The following NEBL variants were observed in gnomAD, a reference collection of about 807,000 sequenced individuals.
NEBL encodes the protein nebulette.
NEBL carries 122 observed loss-of-function variants against 140.2 expected under a neutral mutation model. The ratio of observed to expected loss-of-function variants is 0.87; its 90% CI spans 0.75 to 1.01. NEBL has a LOEUF of 1.01. Ranked by LOEUF, NEBL falls within the 50% of genes least tolerant of loss-of-function variation. The pLI, the probability that NEBL is intolerant of heterozygous loss-of-function variation, is 0.00. For synonymous variants in NEBL, 436 were observed against 398.9 expected (o/e 1.09, Z -1.11); for missense variants, 1,365 against 1,231.3 (o/e 1.11, Z -1.62).
At chr10:21,145,539 T>C (rs988346659) in intron 2 of NEBL, among the ~76,000 whole-genome samples, 2 of 152,234 alleles carry the variant, frequency 1.3e-5, no homozygotes, top group African/African-American at 4.8e-5. Context: ...TAAATGAATA[T>C]GTATACACCT....
chr10:20,815,004 A>G (rs567891478), intron 22 of NEBL, among the ~76,000 whole-genome samples: 1 of 152,296 alleles, frequency 6.6e-6, no homozygotes, highest in Admixed American at 6.5e-5. Flanking sequence ...GCCCATCAGA[A>G]CACCGCCATT....
At chr10:20,795,608 C>T (rs1225569223) in intron 26 of NEBL, among the ~76,000 whole-genome samples, 1 of 151,886 alleles carries the variant, frequency 6.6e-6, no homozygotes, top group East Asian at 1.9e-4. Context: ...TTTCCCATTG[C>T]CAATACCAAC....
intron 3 of NEBL, among the ~76,000 whole-genome samples, chr10:21,014,474 T>C (rs1411761656): frequency 6.6e-6 from 1 of 152,140 alleles, no homozygotes; most frequent in Admixed American, 6.5e-5. Flanking sequence ...ATTTGAAACT[T>C]TTGGACAATG....
chr10:21,173,993 G>A lies in NEBL; in HGVS notation c.-160C>T. 1.6e-6 allele frequency: 2 copies of A among 1,226,014 alleles called. No individual in the cohort carries two copies. Among genetic ancestry groups the A allele is most frequent in the Non-Finnish European group, 2.0e-6 (2 of 987,596 alleles). The allele number at this position is 1,226,014 out of a possible 1,614,324, so 75.9% of individuals were successfully genotyped here. The stretch of plus-strand genomic sequence containing the variant: ...GCGCCGGGCCACGGGTGAGTGCACG[G>A]GGAGGGCGACGGGGCCTGGCGCCTG... On this transcript the variant is annotated 5_prime_UTR_variant, in exon 1 of 7. Transcript: ENST00000417816. This position sits in a 1 kb window ranked among gnomAD's most constrained non-coding sequence, Gnocchi z 5.7.
At chr10:20,869,343 G>T (rs1844669849) in intron 6 of NEBL, among the ~76,000 whole-genome samples, 1 of 152,162 alleles carries the variant, frequency 6.6e-6, no homozygotes, top group African/African-American at 2.4e-5. Flanking sequence ...GTAAGTGTTG[G>T]TGGAAGAGAA....
intron 3 of NEBL, among the ~76,000 whole-genome samples, chr10:21,014,610 G>C (rs1164239885): frequency 6.6e-6 from 1 of 152,166 alleles, no homozygotes; most frequent in African/African-American, 2.4e-5. Flanking sequence ...CCCTGAGAAA[G>C]GTTCTGCTTT....
At chr10:21,114,814 A>G (rs1172596492) in intron 2 of NEBL, among the ~76,000 whole-genome samples, 1 of 151,588 alleles carries the variant, frequency 6.6e-6, no homozygotes, top group Admixed American at 6.6e-5. Flanking sequence ...TAGCCAGTGG[A>G]AAGTTGGGTC....
rs1007803940 is a variant in NEBL at position 20,783,179 on chromosome 10, T to G, written c.*2568A>C. 4.6e-5 allele frequency: 7 copies of G among 152,520 alleles called. No individual in the cohort carries two copies. The highest frequency in any genetic ancestry group is 1.2e-4 in the African/African-American group (5 of 41,442). 9.4% of individuals were successfully genotyped at this position (152,520 alleles called of 1,614,324 possible). A position where few individuals can be genotyped will look rare whatever the true frequency, so the allele number is the denominator to read the frequency against. On this transcript the variant is annotated 3_prime_UTR_variant, in exon 28 of 28. Coordinates refer to ENST00000377122, the MANE Select transcript of NEBL (RefSeq NM_006393.3). The stretch of plus-strand genomic sequence containing the variant: ...GAAAAGTTGTTCAGGCATGTCATTT[T>G]TTTTTAAATGATGCTTTTAAAAATA...
At chr10:20,804,430 G>C (rs889205824) in intron 26 of NEBL, 1 of 152,044 alleles carries the variant, frequency 6.6e-6, no homozygotes, top group Admixed American at 6.6e-5. Context: ...CTACACAAAG[G>C]TTCACATGAC....
intron 3 of NEBL, among the ~76,000 whole-genome samples, chr10:21,223,234 A>T (rs1407756232): frequency 1.3e-5 from 2 of 152,130 alleles, no homozygotes; most frequent in Admixed American, 1.3e-4. Flanking sequence ...CCATTCTTAC[A>T]CTTTCTATCT....
intron 4 of NEBL, among the ~76,000 whole-genome samples, chr10:20,934,653 C>T (rs934594490): frequency 1.3e-5 from 2 of 152,088 alleles, no homozygotes; most frequent in South Asian, 2.1e-4. Flanking sequence ...ACAGAAGGGG[C>T]CTGGATCCCT....
chr10:21,004,698 G>A (rs1838051130), intron 3 of NEBL, among the ~76,000 whole-genome samples: 2 of 151,080 alleles, frequency 1.3e-5, no homozygotes, highest in Non-Finnish European at 2.9e-5. Flanking sequence ...CCAGCCTGGG[G>A]CACAAAGCGA....
chr10:20,888,216 A>G lies in NEBL; in HGVS notation c.259-9T>C, dbSNP rs754478017. 1.4e-5 allele frequency: 20 copies of G among 1,481,262 alleles called. No individual in the cohort carries two copies. Among genetic ancestry groups the G allele is most frequent in the Non-Finnish European group, 1.6e-5 (17 of 1,084,376 alleles). The allele number at this position is 1,481,262 out of a possible 1,614,324, so 91.8% of individuals were successfully genotyped here. A position where few individuals can be genotyped will look rare whatever the true frequency, so the allele number is the denominator to read the frequency against. The stretch of plus-strand genomic sequence containing the variant: ...GTGCCTTTGTATTTTGCCTGGGGGA[A>G]AAAAAAACAGGAAAAAAATAAATAA... On this transcript the variant is annotated splice_polypyrimidine_tract_variant and intron_variant, in intron 3 of 27. Transcript: ENST00000377122.
At chr10:21,081,170 A>G (rs1836352594) in intron 2 of NEBL, among the ~76,000 whole-genome samples, 1 of 152,180 alleles carries the variant, frequency 6.6e-6, no homozygotes, top group Non-Finnish European at 1.5e-5. Context: ...GGTATTATTT[A>G]ATAGTCACAT....
chr10:20,928,267 C>CT (rs1453429582), intron 4 of NEBL, among the ~76,000 whole-genome samples: 4 of 152,112 alleles, frequency 2.6e-5, no homozygotes, highest in Non-Finnish European at 5.9e-5. Context: ...TACATTTAAA[C>CT]TAAGTAAAAT....
At chr10:21,242,561 C>T (rs779023077) in intron 3 of NEBL, among the ~76,000 whole-genome samples, 3 of 152,070 alleles carry the variant, frequency 2.0e-5, no homozygotes, top group African/African-American at 7.2e-5. Context: ...CCATGACACA[C>T]AATTACCTGT....
At chr10:21,210,938 G>C (rs1297940237) in intron 3 of NEBL, among the ~76,000 whole-genome samples, 1 of 152,094 alleles carries the variant, frequency 6.6e-6, no homozygotes, top group Non-Finnish European at 1.5e-5. Flanking sequence ...ATTTTAGCTG[G>C]GTTGCACCTA....
chr10:21,005,145 G>GT (rs2131725645), intron 3 of NEBL, among the ~76,000 whole-genome samples: 1 of 152,284 alleles, frequency 6.6e-6, no homozygotes, highest in African/African-American at 2.4e-5. Flanking sequence ...AATTGCAGCT[G>GT]TTAACAGTCC....
Position 21,026,775 on chromosome 10 carries a change from G to T in NEBL, c.165-6574C>A, listed in dbSNP as rs539575238. Among the ~76,000 whole-genome samples, 24 of 152,336 alleles carry T rather than the reference G, an allele frequency of 1.6e-4. No individual in the cohort carries two copies. The South Asian group carries it at 3.9e-3, about 25-fold the overall frequency. The stretch of plus-strand genomic sequence containing the variant: ...ATTCATTTGAAAGGCCTGCTTAGAA[G>T]GATGGCCCTTCTCTGGTGTCTGGGA... On this transcript the variant is annotated intron_variant, in intron 2 of 6. Transcript: ENST00000417816.
Sources: allele counts gnomAD v4.1 joint callset (sites outside exome capture counted in the v4.1 genomes callset), GRCh38; gene constraint gnomAD v4.1.1; non-coding constraint Gnocchi (gnomAD v3.1); transcripts MANE v1.5; gene names NCBI Gene and HGNC (gene_info 2026-07-23, HGNC 2026-07-21).